Variants in FAM174A observed in about 807,000 individuals in gnomAD.
FAM174A encodes the protein family with sequence similarity 174 member A.
A neutral mutation model predicts 14.3 loss-of-function variants in FAM174A; 14 were observed. That is an observed-to-expected ratio of 0.98 (90% CI 0.65 to 1.53). The LOEUF (loss-of-function observed/expected upper bound fraction) is 1.53. Ranked by LOEUF, FAM174A falls within the 40% of genes most tolerant of loss-of-function variation. The probability of loss-of-function intolerance (pLI) is 0.00; values close to 1 mark genes in which losing one functional copy is unlikely to be tolerated. For synonymous variants in FAM174A, 108 were observed against 111.4 expected (o/e 0.97, Z 0.19); for missense variants, 241 against 249.6 (o/e 0.97, Z 0.23).
At chr5:100,568,521 T>C (rs1746711151) in intron 2 of FAM174A, among the ~76,000 whole-genome samples, 1 of 151,720 alleles carries the variant, frequency 6.6e-6, no homozygotes, top group African/African-American at 2.4e-5. Context: ...CATATATGTG[T>C]ACTTTAGATA....
At chr5:100,546,650 G>C (rs949965875) in intron 1 of FAM174A, among the ~76,000 whole-genome samples, 4 of 152,134 alleles carry the variant, frequency 2.6e-5, no homozygotes, top group Admixed American at 2.0e-4. Flanking sequence ...ATAATACACA[G>C]TAAATACTTT....
intron 2 of FAM174A, among the ~76,000 whole-genome samples, chr5:100,569,110 T>G (rs886480577): frequency 6.6e-6 from 1 of 151,878 alleles, no homozygotes; most frequent in Admixed American, 6.6e-5. Context: ...ACAAACAACT[T>G]CATTATTTTC....
intron 2 of FAM174A, among the ~76,000 whole-genome samples, chr5:100,577,333 G>T (rs1746922931): frequency 1.3e-5 from 2 of 151,898 alleles, no homozygotes; most frequent in South Asian, 2.1e-4. Flanking sequence ...GTCATTTCAG[G>T]CTACTTTAGT....
intron 2 of FAM174A, among the ~76,000 whole-genome samples, chr5:100,575,407 C>G (rs1276007426): frequency 1.3e-5 from 2 of 152,094 alleles, no homozygotes; most frequent in South Asian, 2.1e-4. Flanking sequence ...GTCTCTCCCC[C>G]CACCGCATAA....
intron 1 of FAM174A, among the ~76,000 whole-genome samples, chr5:100,560,970 A>G (rs1746511248): frequency 6.6e-6 from 1 of 151,972 alleles, no homozygotes; most frequent in African/African-American, 2.4e-5. Context: ...AATTAATTGA[A>G]GAACATCTTA....
chr5:100,549,149 A>G (rs190645752), intron 1 of FAM174A, among the ~76,000 whole-genome samples: 217 of 152,266 alleles, frequency 1.4e-3, no homozygotes, highest in African/African-American at 5.0e-3. Context: ...AAAGGAGATT[A>G]TAGGATAATT....
chr5:100,542,869 ATAT>A (rs1580362804), intron 1 of FAM174A, among the ~76,000 whole-genome samples: 2 of 151,134 alleles, frequency 1.3e-5, no homozygotes, highest in African/African-American at 4.9e-5. Context: ...TGTGTGTATA[ATAT>A]TCACACACAT....
At chr5:100,577,091 T>C (rs551771831) in intron 2 of FAM174A, among the ~76,000 whole-genome samples, 1 of 152,300 alleles carries the variant, frequency 6.6e-6, no homozygotes, top group South Asian at 2.1e-4. Flanking sequence ...TGCTATTTTG[T>C]TTGATTTAGT....
At chr5:100,559,314 G>A (rs1244490288) in intron 1 of FAM174A, among the ~76,000 whole-genome samples, 1 of 152,162 alleles carries the variant, frequency 6.6e-6, no homozygotes, top group Non-Finnish European at 1.5e-5. Flanking sequence ...TCAGCTGTTA[G>A]TCTGATGGGC....
At chr5:100,565,426 CAT>C (rs905622868) in intron 2 of FAM174A, among the ~76,000 whole-genome samples, 1 of 151,488 alleles carries the variant, frequency 6.6e-6, no homozygotes, top group Non-Finnish European at 1.5e-5. Context: ...TATGTATATA[CAT>C]ATATATATGA....
At chr5:100,567,697 A>G (rs1464870632) in intron 2 of FAM174A, among the ~76,000 whole-genome samples, 1 of 146,834 alleles carries the variant, frequency 6.8e-6, no homozygotes, top group Non-Finnish European at 1.5e-5. Flanking sequence ...CATCCCTCTC[A>G]TTTTGTATTT....
rs766838722 is a variant in FAM174A at position 100,535,709 on chromosome 5, C to A, written c.179C>A (p.Pro60His). Residue 60 changes from proline to histidine, a missense_variant, in exon 1 of 3, where the codon CCT becomes CAT. By Grantham distance (77) the Pro-to-His change is moderately conservative. Transcript: ENST00000312637. ...ACATTACCGCCGCTGCCACCGGGCC[C>A]TACCCCTGCCCAGCAGCCGGGCCGT... ...PRTLPPLPPG[P>H]TPAQQPGRGL... The A allele has an allele frequency of 1.2e-6, 2 of 1,607,094 alleles. No individual in the cohort carries two copies. The highest frequency in any genetic ancestry group is 1.3e-5 in the African/African-American group (1 of 74,878).
At chr5:100,554,873 A>G (rs986735750) in intron 1 of FAM174A, among the ~76,000 whole-genome samples, 1 of 152,136 alleles carries the variant, frequency 6.6e-6, no homozygotes, top group Non-Finnish European at 1.5e-5. Flanking sequence ...AGTGTGTCCT[A>G]CAGAGCATAA....
Position 100,558,033 on chromosome 5 carries a change from G to A in FAM174A, c.435-4021G>A, listed in dbSNP as rs187353053. Among the ~76,000 whole-genome samples, 959 of 152,172 alleles carry A rather than the reference G, an allele frequency of 6.3e-3. 3 individuals are homozygous for A. Among genetic ancestry groups the A allele is most frequent in the Non-Finnish European group, 0.011 (723 of 68,002 alleles). ...TAGTTCTTTTAATTGTGATGTTAGC[G>A]TGTCAATTTTAGATCTTTCCTGCTT... On this transcript the variant is annotated intron_variant, in intron 1 of 2. Coordinates refer to ENST00000312637, the MANE Select transcript of FAM174A (RefSeq NM_198507.3).
At chr5:100,572,417 A>T (rs1746807347) in intron 2 of FAM174A, among the ~76,000 whole-genome samples, 2 of 143,808 alleles carry the variant, frequency 1.4e-5, no homozygotes, top group South Asian at 2.3e-4. Flanking sequence ...CCACCCCACA[A>T]CAGTCCCCAG....
chr5:100,556,947 C>T (rs983998976), intron 1 of FAM174A, among the ~76,000 whole-genome samples: 8 of 152,156 alleles, frequency 5.3e-5, no homozygotes, highest in Admixed American at 4.6e-4. Flanking sequence ...TTTCTCCTGC[C>T]TGATTGCCCT....
intron 2 of FAM174A, among the ~76,000 whole-genome samples, chr5:100,577,902 G>A (rs1220785095): frequency 6.6e-6 from 1 of 151,896 alleles, no homozygotes; most frequent in African/African-American, 2.4e-5. Context: ...GAAATATTTG[G>A]GATTGGAGTC....
chr5:100,570,555 C>T (rs1403027437), intron 2 of FAM174A, among the ~76,000 whole-genome samples: 1 of 151,866 alleles, frequency 6.6e-6, no homozygotes, highest in Non-Finnish European at 1.5e-5. Flanking sequence ...TCTCTTTAGT[C>T]ATTGAAATAG....
intron 2 of FAM174A, among the ~76,000 whole-genome samples, chr5:100,566,374 A>G (rs894778368): frequency 6.6e-6 from 1 of 151,428 alleles, no homozygotes; most frequent in Non-Finnish European, 1.5e-5. Context: ...ATAGTAGTGA[A>G]TAGAGTAGGG....
Sources: allele counts gnomAD v4.1 joint callset (sites outside exome capture counted in the v4.1 genomes callset), GRCh38; gene constraint gnomAD v4.1.1; transcripts MANE v1.5; gene names NCBI Gene and HGNC (gene_info 2026-07-23, HGNC 2026-07-21).